The following KCNIP4 variants were observed in gnomAD, a reference collection of about 807,000 sequenced individuals.
The protein encoded by KCNIP4 is Kv channel-interacting protein 4.
In KCNIP4, 12 loss-of-function variants were observed where a neutral mutation model predicts 34.0. The ratio of observed to expected loss-of-function variants is 0.35; its 90% CI spans 0.23 to 0.57. The LOEUF (loss-of-function observed/expected upper bound fraction) is 0.57, where lower values mean the gene tolerates loss of function less well. Ranked by LOEUF, KCNIP4 falls within the 20% of genes least tolerant of loss-of-function variation. KCNIP4 has a pLI of 0.83. For synonymous variants in KCNIP4, 124 were observed against 102.2 expected (o/e 1.21, Z -1.29); for missense variants, 238 against 311.7 (o/e 0.76, Z 1.78).
At chr4:21,735,429 T>C (rs1479609262) in intron 1 of KCNIP4, among the ~76,000 whole-genome samples, 1 of 152,170 alleles carries the variant, frequency 6.6e-6, no homozygotes, top group Non-Finnish European at 1.5e-5. Context: ...CATAATAGTA[T>C]CTGTACATTT....
At chr4:21,594,597 G>C (rs894372216) in intron 1 of KCNIP4, among the ~76,000 whole-genome samples, 6 of 151,948 alleles carry the variant, frequency 3.9e-5, no homozygotes, top group Non-Finnish European at 7.4e-5. Flanking sequence ...ATGAAGGTAG[G>C]AGGGAAGAGA....
chr4:21,114,499 C>A (rs904701843), intron 1 of KCNIP4, among the ~76,000 whole-genome samples: 2 of 151,736 alleles, frequency 1.3e-5, no homozygotes, highest in African/African-American at 4.8e-5. Context: ...TTTCTTAAAC[C>A]CATTCTATTA....
chr4:21,037,814 T>G (rs1347936763), intron 1 of KCNIP4, among the ~76,000 whole-genome samples: 1 of 152,184 alleles, frequency 6.6e-6, no homozygotes, highest in Non-Finnish European at 1.5e-5. Context: ...ATTTTTTTTT[T>G]TACAGCAAAT....
chr4:21,183,094 A>C (rs1754963429), intron 1 of KCNIP4, among the ~76,000 whole-genome samples: 4 of 152,048 alleles, frequency 2.6e-5, no homozygotes, highest in Admixed American at 2.6e-4. Flanking sequence ...CATATATGTG[A>C]TCTCTTGCAG....
intron 1 of KCNIP4, among the ~76,000 whole-genome samples, chr4:21,402,333 G>A (rs145009748): frequency 8.5e-5 from 13 of 152,248 alleles, no homozygotes; most frequent in Admixed American, 6.5e-4. Flanking sequence ...TATTTCTTCC[G>A]TGAATAGAAA....
At chr4:21,007,440 G>A (rs1738669764) in intron 1 of KCNIP4, among the ~76,000 whole-genome samples, 1 of 152,036 alleles carries the variant, frequency 6.6e-6, no homozygotes, top group Non-Finnish European at 1.5e-5. Context: ...GGAGTATATG[G>A]GATATTTAGA....
At chr4:21,452,613 T>C (rs1228273552) in intron 1 of KCNIP4, among the ~76,000 whole-genome samples, 4 of 151,988 alleles carry the variant, frequency 2.6e-5, no homozygotes, top group African/African-American at 9.7e-5. Context: ...ATGGTAAATA[T>C]CAGTTACCAC....
chr4:21,269,429 A>T (rs1762007380), intron 1 of KCNIP4, among the ~76,000 whole-genome samples: 1 of 152,042 alleles, frequency 6.6e-6, no homozygotes, highest in African/African-American at 2.4e-5. Flanking sequence ...TTGGGGGGAC[A>T]GGGTCTCAGT....
At chr4:21,630,873 G>A (rs1444560634) in intron 1 of KCNIP4, among the ~76,000 whole-genome samples, 1 of 152,100 alleles carries the variant, frequency 6.6e-6, no homozygotes, top group East Asian at 1.9e-4. Context: ...AACATGTTTT[G>A]CTACTCTCCT....
At chr4:20,960,312 G>A (rs1342544159) in intron 1 of KCNIP4, among the ~76,000 whole-genome samples, 1 of 152,108 alleles carries the variant, frequency 6.6e-6, no homozygotes, top group Admixed American at 6.6e-5. Flanking sequence ...AAGAATTCAA[G>A]CAAGAAGAGG....
intron 1 of KCNIP4, among the ~76,000 whole-genome samples, chr4:20,956,668 G>T (rs1013752999): frequency 2.0e-5 from 3 of 152,138 alleles, no homozygotes; most frequent in Non-Finnish European, 4.4e-5. Flanking sequence ...ATAAAAGCAA[G>T]TTAAAGAAAT....
intron 1 of KCNIP4, among the ~76,000 whole-genome samples, chr4:20,892,331 CT>C (rs2149538033): frequency 6.6e-6 from 1 of 152,244 alleles, no homozygotes; most frequent in South Asian, 2.1e-4. Context: ...CTAAATACAC[CT>C]GTTTCTCATA....
rs528941232 is a variant in KCNIP4 at position 21,780,776 on chromosome 4, T to G, written c.61+167795A>C. On this transcript the variant is annotated intron_variant, in intron 1 of 8. Coordinates refer to ENST00000382152, the MANE Select transcript of KCNIP4 (RefSeq NM_025221.6). Reference sequence around the variant, plus strand: ...ACCTGTGGATTAAAACTGTGTAAATTTATTCTCTCACATTTCTGAAGACTT... The same window carrying G: ...ACCTGTGGATTAAAACTGTGTAAATGTATTCTCTCACATTTCTGAAGACTT... Among the ~76,000 whole-genome samples the G allele has an allele frequency of 5.3e-5, 8 of 152,296 alleles. No homozygotes were observed. In the South Asian group the frequency reaches 6.2e-4, roughly 12 times the overall value.
intron 1 of KCNIP4, among the ~76,000 whole-genome samples, chr4:21,105,201 C>A (rs1169115080): frequency 6.6e-6 from 1 of 151,584 alleles, no homozygotes; most frequent in East Asian, 1.9e-4. Flanking sequence ...TGGCCATTTT[C>A]ATGATATTGA....
At chr4:21,794,432 T>C (rs959661434) in intron 1 of KCNIP4, among the ~76,000 whole-genome samples, 2 of 152,186 alleles carry the variant, frequency 1.3e-5, no homozygotes, top group Admixed American at 1.3e-4. Flanking sequence ...TGAAAATATA[T>C]ACCTGGTAGA....
At chr4:21,260,836 T>C (rs1761422275) in intron 1 of KCNIP4, among the ~76,000 whole-genome samples, 1 of 152,190 alleles carries the variant, frequency 6.6e-6, no homozygotes, top group Non-Finnish European at 1.5e-5. Flanking sequence ...CTGATATTCC[T>C]AATGGTGATG....
At chr4:21,264,895 C>T (rs868393842) in intron 1 of KCNIP4, among the ~76,000 whole-genome samples, 3 of 151,802 alleles carry the variant, frequency 2.0e-5, no homozygotes, top group Admixed American at 1.3e-4. Flanking sequence ...GTCAGGTGTT[C>T]GAGACCAGCC....
chr4:21,328,840 G>T (rs916345808), intron 1 of KCNIP4, among the ~76,000 whole-genome samples: 4 of 152,196 alleles, frequency 2.6e-5, no homozygotes, highest in Non-Finnish European at 5.9e-5. Context: ...ACAAACAGAG[G>T]AGTCTCTTCC....
intron 1 of KCNIP4, among the ~76,000 whole-genome samples, chr4:21,198,868 A>G (rs1756257563): frequency 6.6e-6 from 1 of 152,160 alleles, no homozygotes; most frequent in Non-Finnish European, 1.5e-5. Flanking sequence ...GGGGACTGAC[A>G]TGCAGTACTG....
Sources: gnomAD v4.1 joint callset for allele counts (sites outside exome capture counted in the v4.1 genomes callset) on GRCh38, gnomAD v4.1.1 for gene constraint, MANE v1.5 for transcripts, NCBI Gene and HGNC (gene_info 2026-07-23, HGNC 2026-07-21) for gene names.